Variants in UNC5D observed in about 807,000 individuals in gnomAD.
UNC5D encodes the protein unc-5 netrin receptor D.
UNC5D carries 39 observed loss-of-function variants against 105.4 expected under a neutral mutation model. The observed-to-expected ratio is 0.37, with a 90% CI of 0.29 to 0.48. The LOEUF is 0.48. Among genes scored for constraint, UNC5D ranks in the 20% least tolerant of loss-of-function variants. The pLI is 0.98. For missense variants in UNC5D, 991 were observed against 1,202.4 expected, an observed-to-expected ratio of 0.82 and a Z score of 2.60; for synonymous variants, 452 against 450.4, an observed-to-expected ratio of 1.00 and a Z score of -0.04.
At chr8:35,783,851 C>T (rs573732272) in intron 16 of UNC5D, among the ~76,000 whole-genome samples, 19 of 152,168 alleles carry the variant, frequency 1.2e-4, no homozygotes, top group Admixed American at 2.6e-4. Flanking sequence ...TTCCTCAATT[C>T]TCTACCCCAC....
intron 1 of UNC5D, among the ~76,000 whole-genome samples, chr8:35,385,865 A>G (rs1362344217): frequency 6.6e-6 from 1 of 152,162 alleles, no homozygotes; most frequent in Non-Finnish European, 1.5e-5. Flanking sequence ...TCTAGTTGAA[A>G]TTGTTTTTCA....
chr8:35,728,089 A>T (rs1376128607), intron 10 of UNC5D, among the ~76,000 whole-genome samples: 1 of 130,218 alleles, frequency 7.7e-6, no homozygotes, highest in African/African-American at 3.8e-5. Flanking sequence ...AAAAAAAAAA[A>T]AAAAAAATAT....
intron 16 of UNC5D, among the ~76,000 whole-genome samples, chr8:35,774,833 GAGA>G (rs1802168507): frequency 6.7e-6 from 1 of 150,082 alleles, no homozygotes; most frequent in South Asian, 2.1e-4. Flanking sequence ...AGGCTGATGT[GAGA>G]AGATCACTTG....
chr8:35,623,433 A>T (rs936780495), intron 4 of UNC5D, among the ~76,000 whole-genome samples: 1 of 152,068 alleles, frequency 6.6e-6, no homozygotes, highest in Non-Finnish European at 1.5e-5. Flanking sequence ...CTGTTGCCAA[A>T]GTTTTTGCCA....
At chr8:35,329,667 T>A (rs1355675268) in intron 1 of UNC5D, among the ~76,000 whole-genome samples, 2 of 151,978 alleles carry the variant, frequency 1.3e-5, no homozygotes, top group South Asian at 2.1e-4. Context: ...TTAAAAAAAA[T>A]TAAGAAAAAA....
chr8:35,606,993 C>G (rs987986602), intron 4 of UNC5D, among the ~76,000 whole-genome samples: 1 of 152,150 alleles, frequency 6.6e-6, no homozygotes, highest in East Asian at 1.9e-4. Flanking sequence ...GGAAGCAGCT[C>G]TTTACACATC....
intron 7 of UNC5D, among the ~76,000 whole-genome samples, chr8:35,696,578 G>A (rs987665430): frequency 2.6e-5 from 4 of 152,064 alleles, no homozygotes; most frequent in African/African-American, 9.7e-5. Context: ...ATTTAAAACT[G>A]AGTAATCTAC....
At chr8:35,471,048 A>T (rs1809685885) in intron 1 of UNC5D, among the ~76,000 whole-genome samples, 1 of 152,102 alleles carries the variant, frequency 6.6e-6, no homozygotes. Flanking sequence ...TCAGCACTCA[A>T]ACCTGACTTC....
intron 4 of UNC5D, among the ~76,000 whole-genome samples, chr8:35,653,978 A>G (rs781727826): frequency 5.9e-5 from 9 of 152,270 alleles, no homozygotes; most frequent in Non-Finnish European, 1.0e-4. Context: ...CTCATGCTTA[A>G]CTGAGATTCA....
chr8:35,364,585 T>C (rs1379841508), intron 1 of UNC5D, among the ~76,000 whole-genome samples: 1 of 152,182 alleles, frequency 6.6e-6, no homozygotes, highest in Non-Finnish European at 1.5e-5. Flanking sequence ...GTTATTGTTA[T>C]TGGAGTACCA....
At chr8:35,726,578 A>T (rs202184199) in intron 10 of UNC5D, 49 bp downstream of exon 10, 1 of 1,581,350 alleles carries the variant, frequency 6.3e-7, no homozygotes, top group Non-Finnish European at 8.6e-7. Flanking sequence ...TAAATGTTTC[A>T]TTTTTACACA....
At chr8:35,479,037 G>A (rs190855137) in intron 1 of UNC5D, among the ~76,000 whole-genome samples, 96 of 152,246 alleles carry the variant, frequency 6.3e-4, no homozygotes, top group African/African-American at 2.3e-3. Context: ...AAATATCAAC[G>A]TAGTTTACAG....
At chr8:35,462,191 A>T (rs1009204082) in intron 1 of UNC5D, among the ~76,000 whole-genome samples, 1 of 152,190 alleles carries the variant, frequency 6.6e-6, no homozygotes, top group Non-Finnish European at 1.5e-5. Flanking sequence ...CTTTTACTAA[A>T]TCTAGCAAAT....
In UNC5D at chr8:35,596,794, C is replaced by T. The variant is rs138805618; in HGVS notation, c.570+1137C>T. ...TTCTGATTAGCCTCTCCAAAGGATG[C>T]GATCAGATATGCATTTATCTCAGTG... On this transcript the variant is annotated intron_variant, in intron 4 of 16. Transcript: ENST00000404895. Among the ~76,000 whole-genome samples the T allele has an allele frequency of 1.7e-3, 265 of 152,250 alleles. 1 individual carries two copies. The highest frequency in any genetic ancestry group is 5.6e-3 in the African/African-American group (232 of 41,550).
intron 11 of UNC5D, among the ~76,000 whole-genome samples, chr8:35,737,805 C>T (rs1444927270): frequency 6.6e-6 from 1 of 151,990 alleles, no homozygotes; most frequent in Non-Finnish European, 1.5e-5. Context: ...GTTGACATAA[C>T]ATAAGAAATA....
chr8:35,443,609 C>T (rs962020072), intron 1 of UNC5D, among the ~76,000 whole-genome samples: 3 of 151,850 alleles, frequency 2.0e-5, no homozygotes, highest in African/African-American at 4.8e-5. Flanking sequence ...AGAAAGAGGG[C>T]ACTGCATCAT....
chr8:35,657,543 G>A (rs982637035), intron 4 of UNC5D, among the ~76,000 whole-genome samples: 1 of 152,088 alleles, frequency 6.6e-6, no homozygotes, highest in Admixed American at 6.5e-5. Context: ...GGAGTGCAGT[G>A]GCTGGATCAT....
chr8:35,661,324 G>A (rs1174130714), intron 4 of UNC5D, among the ~76,000 whole-genome samples: 2 of 152,008 alleles, frequency 1.3e-5, no homozygotes, highest in African/African-American at 4.8e-5. Context: ...GCTGAGAAGA[G>A]AGAAAACAGC....
intron 2 of UNC5D, among the ~76,000 whole-genome samples, 168 bp downstream of exon 2, chr8:35,549,678 C>T (rs954487660): frequency 6.6e-6 from 1 of 152,196 alleles, no homozygotes; most frequent in Non-Finnish European, 1.5e-5. Flanking sequence ...AATGACCCTA[C>T]AGCTGCCTTG....
Sources: allele counts gnomAD v4.1 joint callset (sites outside exome capture counted in the v4.1 genomes callset), GRCh38; gene constraint gnomAD v4.1.1; transcripts MANE v1.5; gene names NCBI Gene and HGNC (gene_info 2026-07-23, HGNC 2026-07-21).